The following TCF7 variants were observed in gnomAD, a reference collection of about 807,000 sequenced individuals.
TCF7 encodes the protein transcription factor 7.
A neutral mutation model predicts 46.8 loss-of-function variants in TCF7; 19 were observed. That is an observed-to-expected ratio of 0.41 (90% CI 0.28 to 0.60). The LOEUF is 0.60. Among genes scored for constraint, TCF7 ranks in the 20% least tolerant of loss-of-function variants. The pLI is 0.35. For synonymous variants in TCF7, 245 were observed against 213.4 expected (o/e 1.15, Z -1.29); for missense variants, 547 against 504.6 (o/e 1.08, Z -0.81).
rs535092635 is a variant in TCF7, at chr5:134,124,765, G to A, written c.441+8732G>A. Reference sequence around the variant, plus strand: ...TGTGCTTCCAAATGATGAGTGTGCGGCAGAGGCTCCAGGCATGGATGGGCA... The same window carrying A: ...TGTGCTTCCAAATGATGAGTGTGCGACAGAGGCTCCAGGCATGGATGGGCA... On this transcript the variant is annotated intron_variant, in intron 3 of 9. Coordinates refer to ENST00000342854, the MANE Select transcript of TCF7 (RefSeq NM_003202.5). 1.1e-4 allele frequency among the ~76,000 whole-genome samples: 17 copies of A among 152,328 alleles called. 1 individual carries two copies. In the South Asian group the frequency reaches 3.5e-3, roughly 32 times the overall value.
intron 9 of TCF7, 195 bp from the exon 10 acceptor site, chr5:134,146,029 C>G (rs1760650365): frequency 5.3e-6 from 8 of 1,517,896 alleles, no homozygotes; most frequent in East Asian, 2.3e-5. Context: ...TGTGGCTGTT[C>G]TGGGAACTGC....
At chr5:134,140,652 C>T (rs912857809) in intron 5 of TCF7, 9 of 373,820 alleles carry the variant, frequency 2.4e-5, no homozygotes, top group Non-Finnish European at 4.2e-5. Context: ...GCACAAGCTG[C>T]CCTCTGGTGG....
At chr5:134,127,796 A>AGT (rs1193405774) in intron 3 of TCF7, among the ~76,000 whole-genome samples, 2 of 152,242 alleles carry the variant, frequency 1.3e-5, no homozygotes, top group Admixed American at 6.5e-5. Flanking sequence ...GGAATCAGGC[A>AGT]GTGGTCCAGA....
intron 3 of TCF7, among the ~76,000 whole-genome samples, chr5:134,122,471 A>C (rs1756735545): frequency 6.6e-6 from 1 of 152,012 alleles, no homozygotes; most frequent in Admixed American, 6.5e-5. Context: ...TCTGAGACTC[A>C]AGTGAGTGGG....
At chr5:134,143,209 G>A (rs982239747) in intron 8 of TCF7, 109 bp downstream of exon 8, 37 of 1,233,580 alleles carry the variant, frequency 3.0e-5, no homozygotes, top group Non-Finnish European at 3.8e-5. Flanking sequence ...TGAAGGCACC[G>A]ATGAGGAAGG....
chr5:134,110,250 TTAAG>T (rs1755312187), upstream of TCF7, among the ~76,000 whole-genome samples: 1 of 152,214 alleles, frequency 6.6e-6, no homozygotes, highest in Non-Finnish European at 1.5e-5. Context: ...AATTTTGTTA[TTAAG>T]TCTTTATTTT....
chr5:134,128,505 A>T (rs1031533463), intron 3 of TCF7, among the ~76,000 whole-genome samples: 1 of 151,712 alleles, frequency 6.6e-6, no homozygotes, highest in African/African-American at 2.4e-5. Context: ...TGGGGGAGTG[A>T]GCGCTTCATG....
Position 134,146,518 on chromosome 5 carries a change from C to T in TCF7, c.*215C>T. 1 of 729,952 alleles carries T rather than the reference C, an allele frequency of 1.4e-6. No individual in the cohort carries two copies. The allele number at this position is 729,952 out of a possible 1,614,324, so 45.2% of individuals were successfully genotyped here. On this transcript the variant is annotated 3_prime_UTR_variant, in exon 10 of 10. Coordinates refer to ENST00000342854, the MANE Select transcript of TCF7 (RefSeq NM_003202.5). ...AACAGGAATCTCAGAGACAGGTGGC[C>T]TAGCAGGCACAGGACACCTGGCCGC...
At chr5:134,116,130 G>A in intron 3 of TCF7, 97 bp downstream of exon 3, 1 of 1,478,738 alleles carries the variant, frequency 6.8e-7, no homozygotes, top group Non-Finnish European at 9.0e-7. Context: ...GAACAAAATA[G>A]ACGAGACTCC....
chr5:134,141,862 A>G lies in TCF7; in HGVS notation c.636-323A>G, dbSNP rs901648044. 2.2e-5 allele frequency: 5 copies of G among 228,952 alleles called. No homozygotes were observed. The South Asian group carries it at 5.6e-4, about 26-fold the overall frequency. 14.2% of individuals were successfully genotyped at this position (228,952 alleles called of 1,614,324 possible). ...GGAAGGGTCAAGCAGGAGAGGGATG[A>G]GGCCTCACAGGGCAGCCACAGGCTC... On this transcript the variant is annotated intron_variant, in intron 5 of 9. Coordinates refer to ENST00000342854, the MANE Select transcript of TCF7 (RefSeq NM_003202.5).
Position 134,138,184 on chromosome 5 carries a change from A to G in TCF7, c.547+20A>G. On this transcript the variant is annotated intron_variant, in intron 4 of 9. Coordinates refer to ENST00000342854, the MANE Select transcript of TCF7 (RefSeq NM_003202.5). ...AGCAAGGTACAAGCCTGGGATGGGG[A>G]GGGGCCCAGTGAAACCAGAGCCTAA... is the stretch of plus-strand genomic sequence containing the variant. 6.2e-7 allele frequency: 1 copy of G among 1,607,268 alleles called. No individual in the cohort carries two copies. The highest frequency in any genetic ancestry group is 8.5e-7 in the Non-Finnish European group (1 of 1,174,354).
At chr5:134,132,945 G>A (rs577843241) in intron 3 of TCF7, among the ~76,000 whole-genome samples, 4 of 152,364 alleles carry the variant, frequency 2.6e-5, no homozygotes, top group Admixed American at 2.6e-4. Flanking sequence ...TAAGGAAATA[G>A]TCCAGAAGGG....
intron 3 of TCF7, among the ~76,000 whole-genome samples, chr5:134,133,396 G>C (rs951339829): frequency 6.6e-6 from 1 of 152,100 alleles, no homozygotes; most frequent in African/African-American, 2.4e-5. Context: ...TTGAGGGCTG[G>C]GCACAGTCAC....
intron 3 of TCF7, among the ~76,000 whole-genome samples, chr5:134,118,030 T>C (rs17167272): frequency 0.1 from 15,982 of 152,266 alleles, 1,073 homozygotes; most frequent in African/African-American, 0.17. Flanking sequence ...TAAGCAAACC[T>C]GCCAGTTATA....
rs1237423250 is a variant in TCF7 at position 134,114,943 on chromosome 5, G to C, written c.37G>C (p.Gly13Arg). ...GGACTCCGGCGGGGGCGGCGCGGGC[G>C]GCGGCGACGACCTCGGCGCGCCGGA... The part of the protein sequence containing the change: ...QLDSGGGGAG[G>R]GDDLGAPDEL... The change falls in exon 1 of 10, where the codon GGC becomes CGC. Residue 13 changes from glycine (G) to arginine (R), a missense_variant. By Grantham distance (125) the Gly-to-Arg change is moderately radical (BLOSUM62 -2). Transcript: ENST00000342854. 1.3e-5 allele frequency: 15 copies of C among 1,115,164 alleles called. No homozygotes were observed. Among genetic ancestry groups the C allele is most frequent in the Non-Finnish European group, 1.7e-5 (15 of 899,624 alleles). The allele number at this position is 1,115,164 out of a possible 1,614,324, so 69.1% of individuals were successfully genotyped here.
At chr5:134,134,056 G>C (rs543276892) in intron 3 of TCF7, among the ~76,000 whole-genome samples, 1 of 152,348 alleles carries the variant, frequency 6.6e-6, no homozygotes, top group African/African-American at 2.4e-5. Flanking sequence ...CCTGGCAGGA[G>C]GGCTCTCCAT....
rs972368713 is a variant in TCF7 at position 134,147,912 on chromosome 5, G to A, written c.*1609G>A. 2 of 139,526 alleles carry A rather than the reference G, an allele frequency of 1.4e-5. No homozygotes were observed. The highest frequency in any genetic ancestry group is 3.0e-5 in the Non-Finnish European group (2 of 66,358). 8.6% of individuals were successfully genotyped at this position (139,526 alleles called of 1,614,324 possible). On this transcript the variant is annotated 3_prime_UTR_variant, in exon 10 of 10. Coordinates refer to ENST00000342854, the MANE Select transcript of TCF7 (RefSeq NM_003202.5). Reference sequence around the variant, plus strand: ...AATCACTTGAACCCGGGAGGCGGAGGTTCCAGTGAGCCGAGATGGCGCTAT... The same window carrying A: ...AATCACTTGAACCCGGGAGGCGGAGATTCCAGTGAGCCGAGATGGCGCTAT...
At chr5:134,108,553 A>G in the TCF7 span, among the ~76,000 whole-genome samples, 1 of 152,270 alleles carries the variant, frequency 6.6e-6, no homozygotes, top group East Asian at 1.9e-4. Flanking sequence ...AATATGGAAT[A>G]AGAGGGTGAG....
intron 3 of TCF7, among the ~76,000 whole-genome samples, chr5:134,132,791 G>A (rs1167482656): frequency 6.6e-6 from 1 of 152,166 alleles, no homozygotes; most frequent in Non-Finnish European, 1.5e-5. Flanking sequence ...GCCCAAGCTT[G>A]ACTTCAGAAC....
Sources: allele counts gnomAD v4.1 joint callset (sites outside exome capture counted in the v4.1 genomes callset), GRCh38; gene constraint gnomAD v4.1.1; transcripts MANE v1.5; gene names NCBI Gene and HGNC (gene_info 2026-07-23, HGNC 2026-07-21).